The following RANBP2 variants were observed in gnomAD, a reference collection of about 807,000 sequenced individuals.
RANBP2 encodes the protein E3 SUMO-protein ligase RanBP2.
RANBP2 carries 57 observed loss-of-function variants against 303.6 expected under a neutral mutation model. That is an observed-to-expected ratio of 0.19 (90% CI 0.15 to 0.23). The LOEUF (loss-of-function observed/expected upper bound fraction) is 0.23. Ranked by LOEUF, RANBP2 falls within the 10% of genes least tolerant of loss-of-function variation. The pLI, the probability that RANBP2 is intolerant of heterozygous loss-of-function variation, is 1.00. For missense variants in RANBP2, 3,138 were observed against 3,780.8 expected (o/e 0.83, Z 4.46); for synonymous variants, 1,167 against 1,301.5 (o/e 0.90, Z 2.23).
chr2:109,188,102 C>T, the RANBP2 span, among the ~76,000 whole-genome samples: 3 of 152,232 alleles, frequency 2.0e-5, no homozygotes, highest in African/African-American at 7.2e-5. Flanking sequence ...GTGCTCTGTG[C>T]GGTGCTCTCG....
chr2:109,115,660 T>A, the RANBP2 span, among the ~76,000 whole-genome samples: 38 of 152,254 alleles, frequency 2.5e-4, no homozygotes, highest in Non-Finnish European at 5.1e-4. Flanking sequence ...TGTGTGAATT[T>A]GATCCTGTCA....
the RANBP2 span, among the ~76,000 whole-genome samples, chr2:108,953,307 A>G: frequency 6.6e-6 from 1 of 152,170 alleles, no homozygotes; most frequent in Non-Finnish European, 1.5e-5. Context: ...AGTCTTGGCC[A>G]AGACCCACCG....
chr2:109,389,207 G>T, the RANBP2 span, among the ~76,000 whole-genome samples: 2 of 152,200 alleles, frequency 1.3e-5, no homozygotes, highest in African/African-American at 4.8e-5. Flanking sequence ...TGGGTTTTGA[G>T]TCAGCTGTGA....
At chr2:109,398,509 T>C in the RANBP2 span, 8 of 1,246,912 alleles carry the variant, frequency 6.4e-6, no homozygotes, top group African/African-American at 1.2e-4. Flanking sequence ...TGAATGGAAA[T>C]GTGGCCTGGA....
the RANBP2 span, among the ~76,000 whole-genome samples, chr2:108,859,964 A>G: frequency 6.6e-6 from 1 of 151,908 alleles, no homozygotes; most frequent in Non-Finnish European, 1.5e-5. Flanking sequence ...TGTTTATGTC[A>G]TCTGTGATTT....
chr2:109,725,627 G>A, the RANBP2 span, among the ~76,000 whole-genome samples: 2 of 152,156 alleles, frequency 1.3e-5, no homozygotes, highest in Non-Finnish European at 2.9e-5. Context: ...GAGGACTCTC[G>A]GGAGAAAAGT....
At chr2:109,585,291 A>C in the RANBP2 span, 8 of 1,606,848 alleles carry the variant, frequency 5.0e-6, no homozygotes, top group East Asian at 2.2e-5. Flanking sequence ...CAATGTGTCA[A>C]TCAGTGTTGA....
the RANBP2 span, among the ~76,000 whole-genome samples, chr2:109,039,283 T>C: frequency 1.3e-5 from 2 of 152,154 alleles, no homozygotes; most frequent in Non-Finnish European, 2.9e-5. Flanking sequence ...AATTCTAAAA[T>C]AAATCTCTCT....
the RANBP2 span, among the ~76,000 whole-genome samples, chr2:109,267,409 A>G: frequency 6.6e-6 from 1 of 152,196 alleles, no homozygotes; most frequent in East Asian, 1.9e-4. Context: ...CCGAAGAAAG[A>G]AAGAGACGCA....
the RANBP2 span, among the ~76,000 whole-genome samples, chr2:109,066,465 G>A: frequency 3.8e-4 from 58 of 152,206 alleles, no homozygotes; most frequent in African/African-American, 1.3e-3. Context: ...CGCAAACAGC[G>A]CTAACTGTTC....
At chr2:109,227,453 C>T in the RANBP2 span, among the ~76,000 whole-genome samples, 6 of 152,280 alleles carry the variant, frequency 3.9e-5, no homozygotes, top group South Asian at 6.2e-4. Flanking sequence ...AAACCAAATG[C>T]GACTGGAGTT....
At chr2:109,055,626 C>T in the RANBP2 span, among the ~76,000 whole-genome samples, 3 of 152,080 alleles carry the variant, frequency 2.0e-5, no homozygotes, top group South Asian at 6.2e-4. Flanking sequence ...CCTAGCGATC[C>T]ATCTGCCTCG....
At chr2:109,446,085 G>A in the RANBP2 span, among the ~76,000 whole-genome samples, 5 of 152,242 alleles carry the variant, frequency 3.3e-5, no homozygotes, top group Admixed American at 1.3e-4. Flanking sequence ...CATCACTAAC[G>A]AGTAGTCCCA....
the RANBP2 span, among the ~76,000 whole-genome samples, chr2:109,382,380 G>A: frequency 3.9e-5 from 6 of 152,052 alleles, no homozygotes; most frequent in Admixed American, 1.3e-4. Flanking sequence ...TGGGGCTGAG[G>A]CTGCCTGCAC....
the RANBP2 span, among the ~76,000 whole-genome samples, chr2:109,342,984 C>T: frequency 3.9e-3 from 591 of 152,168 alleles, 1 homozygote; most frequent in Non-Finnish European, 6.4e-3. Context: ...CAAATAATGG[C>T]GGCTTAGTGA....
At chr2:109,521,479 C>A in the RANBP2 span, among the ~76,000 whole-genome samples, 3 of 152,210 alleles carry the variant, frequency 2.0e-5, no homozygotes, top group African/African-American at 7.2e-5. Context: ...GGGCAGGAAA[C>A]CCACACCCCT....
the RANBP2 span, among the ~76,000 whole-genome samples, chr2:109,456,362 C>G: frequency 6.6e-6 from 1 of 152,218 alleles, no homozygotes; most frequent in African/African-American, 2.4e-5. Flanking sequence ...GAAAATGAAC[C>G]CATCCTGAAA....
the RANBP2 span, among the ~76,000 whole-genome samples, chr2:109,373,272 C>A: frequency 6.6e-6 from 1 of 152,218 alleles, no homozygotes; most frequent in South Asian, 2.1e-4. Flanking sequence ...GTCCAGAAGT[C>A]AGAAATCTGA....
At chr2:109,122,244 T>A in the RANBP2 span, among the ~76,000 whole-genome samples, 1 of 152,190 alleles carries the variant, frequency 6.6e-6, no homozygotes, top group African/African-American at 2.4e-5. Context: ...AAGGGAAGGA[T>A]TTGCGGGCAG....
Sources: allele counts gnomAD v4.1 joint callset (sites outside exome capture counted in the v4.1 genomes callset), GRCh38; gene constraint gnomAD v4.1.1; transcripts MANE v1.5; gene names NCBI Gene and HGNC (gene_info 2026-07-23, HGNC 2026-07-21).